PLCB4: variants seen among roughly 807,000 people sequenced by gnomAD.
PLCB4 encodes 1-phosphatidylinositol 4,5-bisphosphate phosphodiesterase beta-4.
PLCB4 carries 77 observed loss-of-function variants against 178.8 expected under a neutral mutation model. That is an observed-to-expected ratio of 0.43 (90% confidence interval 0.36 to 0.52). PLCB4 has a LOEUF of 0.52. PLCB4 is among the 20% of genes least tolerant of loss of function. The pLI, the probability that PLCB4 is intolerant of heterozygous loss-of-function variation, is 0.00. For missense variants in PLCB4, 1,024 were observed against 1,453.4 expected (o/e 0.70, Z 4.80); for synonymous variants, 496 against 490.8 (o/e 1.01, Z -0.14).
At chr20:9,316,481 G>T (rs868184650) in intron 4 of PLCB4, among the ~76,000 whole-genome samples, 50 of 152,316 alleles carry the variant, frequency 3.3e-4, no homozygotes, top group African/African-American at 2.9e-4. Context: ...GGGGCCAAAA[G>T]GTTGGAGAAG....
At chr20:9,390,464 G>T (rs747444829) in intron 16 of PLCB4, 67 bp from the exon 17 acceptor site, 14 of 729,102 alleles carry the variant, frequency 1.9e-5, no homozygotes, top group Non-Finnish European at 3.0e-5. Context: ...GCCTAGTAAT[G>T]GGTGTTTCTT....
intron 4 of PLCB4, among the ~76,000 whole-genome samples, chr20:9,312,800 T>G (rs746143155): frequency 1.3e-5 from 2 of 152,154 alleles, no homozygotes; most frequent in African/African-American, 4.8e-5. Flanking sequence ...AAAGGAAAAG[T>G]GAAGTAAGTT....
rs976218226 is a variant in PLCB4 at position 9,337,196 on chromosome 20, G to A, written c.155G>A (p.Ser52Asn). The part of the protein sequence containing the change: ...DEFGFFLTWR[S>N]EGKEGQVLEC... ...TTTGGCTTCTTTCTGACATGGAGAA[G>A]TGAAGGCAAGGTATGGCCCAAGAAG... Residue 52 changes from serine (S) to asparagine (N), a missense_variant, in exon 5 of 40, where the codon AGT (serine) becomes AAT (asparagine). Ser to Asn is a conservative substitution (Grantham distance 46). This residue lies in a region of PLCB4 where 225 missense variants were observed against 291.0 expected (regional missense o/e 0.77). Transcript: ENST00000378473. 1.2e-6 allele frequency: 2 copies of A among 1,611,768 alleles called. No individual in the cohort carries two copies. Among genetic ancestry groups the A allele is most frequent in the Admixed American group, 3.3e-5 (2 of 59,940 alleles).
intron 33 of PLCB4, among the ~76,000 whole-genome samples, chr20:9,456,020 G>A (rs570709835): frequency 6.6e-6 from 1 of 152,230 alleles, no homozygotes; most frequent in Non-Finnish European, 1.5e-5. Flanking sequence ...ATTTTTAATA[G>A]AAATGGGGTT....
chr20:9,237,266 G>A (rs1456370061), intron 3 of PLCB4, among the ~76,000 whole-genome samples: 6 of 151,984 alleles, frequency 3.9e-5, no homozygotes, highest in Admixed American at 1.3e-4. Context: ...ATGTTTAAAC[G>A]ACTATATGCT....
chr20:9,393,200 C>T (rs888949363), intron 17 of PLCB4, among the ~76,000 whole-genome samples: 2 of 152,116 alleles, frequency 1.3e-5, no homozygotes, highest in African/African-American at 4.8e-5. Context: ...TCTGGGGGGC[C>T]TCTCACTTGG....
chr20:9,181,765 C>A (rs2093250382), intron 2 of PLCB4, among the ~76,000 whole-genome samples: 1 of 152,114 alleles, frequency 6.6e-6, no homozygotes, highest in Admixed American at 6.5e-5. Flanking sequence ...ATTGGGGCTT[C>A]ATTATGGAAA....
chr20:9,170,527 T>A (rs1406743373), intron 2 of PLCB4, among the ~76,000 whole-genome samples: 3 of 152,050 alleles, frequency 2.0e-5, no homozygotes, highest in Non-Finnish European at 4.4e-5. Context: ...TCTCTGGATA[T>A]AAAGAAAAAA....
intron 2 of PLCB4, among the ~76,000 whole-genome samples, chr20:9,146,107 C>A (rs886552279): frequency 1.3e-5 from 2 of 152,080 alleles, no homozygotes; most frequent in Non-Finnish European, 2.9e-5. Flanking sequence ...TTTTCATTTA[C>A]CAGCTAACAT....
In PLCB4 at chr20:9,309,418, A is replaced by C. The variant is rs140486328; in HGVS notation, c.84+1520A>C. On this transcript the variant is annotated intron_variant, in intron 4 of 39. Transcript: ENST00000378473. ...TGACCCATTGAATGAATAAGAGGCGATAACTTATTTTTTGCCACCACTAAC... is the reference window on the plus strand; with the variant it reads ...TGACCCATTGAATGAATAAGAGGCGCTAACTTATTTTTTGCCACCACTAAC... Among the ~76,000 whole-genome samples the C allele has an allele frequency of 6.4e-4, 97 of 152,326 alleles. No individual in the cohort carries two copies. The Middle Eastern group carries it at 0.014, about 21-fold the overall frequency.
chr20:9,340,750 A>G (rs568551634), intron 7 of PLCB4, among the ~76,000 whole-genome samples: 2 of 150,990 alleles, frequency 1.3e-5, no homozygotes, highest in African/African-American at 4.9e-5. Flanking sequence ...TGAAGCAGAT[A>G]TACGCTGGAC....
chr20:9,130,763 A>T (rs887508818), intron 2 of PLCB4, among the ~76,000 whole-genome samples: 2 of 152,188 alleles, frequency 1.3e-5, no homozygotes, highest in African/African-American at 4.8e-5. Flanking sequence ...AAGTAGGATG[A>T]ATTGAAGTTG....
At chr20:9,301,763 G>A (rs2094707008) in intron 3 of PLCB4, among the ~76,000 whole-genome samples, 1 of 152,062 alleles carries the variant, frequency 6.6e-6, no homozygotes, top group Non-Finnish European at 1.5e-5. Flanking sequence ...TCTGGAACAA[G>A]ACCTTCTAGG....
chr20:9,097,947 G>A (rs185248058), intron 2 of PLCB4, among the ~76,000 whole-genome samples: 9 of 152,260 alleles, frequency 5.9e-5, no homozygotes, highest in African/African-American at 1.2e-4. Context: ...AGAGCCACCC[G>A]TGTAAATTTG....
chr20:9,356,807 T>C (rs889539809), intron 7 of PLCB4, among the ~76,000 whole-genome samples: 3 of 152,212 alleles, frequency 2.0e-5, no homozygotes. Context: ...CAACTTTTTC[T>C]TATCTCCATT....
intron 2 of PLCB4, among the ~76,000 whole-genome samples, chr20:9,196,957 A>C (rs897899197): frequency 6.6e-6 from 1 of 152,252 alleles, no homozygotes; most frequent in Admixed American, 6.5e-5. Flanking sequence ...TAAGAGATGT[A>C]GGCAATGTAA....
At chr20:9,192,655 A>C (rs929958374) in intron 2 of PLCB4, among the ~76,000 whole-genome samples, 1 of 151,144 alleles carries the variant, frequency 6.6e-6, no homozygotes, top group Non-Finnish European at 1.5e-5. Context: ...CTACAAAAAC[A>C]AACAAAAAAA....
intron 34 of PLCB4, among the ~76,000 whole-genome samples, chr20:9,457,886 A>G (rs1372937520): frequency 6.6e-6 from 1 of 152,186 alleles, no homozygotes; most frequent in Non-Finnish European, 1.5e-5. Flanking sequence ...CTCCATCCTA[A>G]CTTTACATGG....
chr20:9,101,584 A>G (rs1448961713), intron 2 of PLCB4, among the ~76,000 whole-genome samples: 1 of 152,112 alleles, frequency 6.6e-6, no homozygotes, highest in Non-Finnish European at 1.5e-5. Context: ...GGCTGACATT[A>G]CCCTTGTACA....
Sources: gnomAD v4.1 joint callset for allele counts (sites outside exome capture counted in the v4.1 genomes callset) on GRCh38, gnomAD v4.1.1 for gene constraint, gnomAD v4.1.1 regional missense constraint, MANE v1.5 for transcripts, NCBI Gene and HGNC (gene_info 2026-07-23, HGNC 2026-07-21) for gene names.